Variants in FAT1 observed in about 807,000 individuals in gnomAD.
FAT1 encodes protocadherin Fat 1.
In FAT1, 171 loss-of-function variants were observed where a neutral mutation model predicts 329.8. That is an observed-to-expected ratio of 0.52 (90% CI 0.46 to 0.59). The LOEUF is 0.59. Ranked by LOEUF, FAT1 falls within the 20% of genes least tolerant of loss-of-function variation. The pLI is 0.00. For synonymous variants in FAT1, 2,233 were observed against 2,228.6 expected (o/e 1.00, Z -0.06); for missense variants, 5,672 against 5,774.4 (o/e 0.98, Z 0.57).
At chr4:186,630,361 C>A (rs1333255353) in intron 7 of FAT1, among the ~76,000 whole-genome samples, 1 of 152,094 alleles carries the variant, frequency 6.6e-6, no homozygotes, top group Non-Finnish European at 1.5e-5. Context: ...GACGGAACAT[C>A]CTGCCTTTCA....
chr4:186,706,626 C>T lies in FAT1; in HGVS notation c.3202G>A (p.Glu1068Lys), dbSNP rs767098741. ...CCATCTCTAATGGAGTATCGGATCT[C>T]CCCATCTCTTCTGGCGTCCTCATCA... ...AHDEDARRDGEIRYSIRDGSG... is the reference protein window; with the variant it reads ...AHDEDARRDGKIRYSIRDGSG... The change falls in exon 2 of 27, where the codon GAG becomes AAG. Residue 1068 changes from glutamate (E) to lysine (K), a missense_variant. Physicochemically the swap from Glu to Lys is moderately conservative, Grantham distance 56. Around this residue, in one of 2 missense-constraint regions of FAT1, gnomAD observed 3,966 missense variants for 3,915.2 expected, o/e 1.01. Transcript: ENST00000441802. 6.2e-7 allele frequency: 1 copy of T among 1,613,954 alleles called. No homozygotes were observed. The highest frequency in any genetic ancestry group is 1.7e-5 in the Admixed American group (1 of 60,014).
Position 186,603,459 on chromosome 4 carries a change from G to T in FAT1, c.11067C>A (p.His3689Gln). ...CAAAAAGTAAGACGTCCAGATGTGGGTGAGGTTCAGAGGACTGCAAACTAA... is the reference window on the plus strand; with the variant it reads ...CAAAAAGTAAGACGTCCAGATGTGGTTGAGGTTCAGAGGACTGCAAACTAA... ...QIVSLQSSEP[H>Q]PHLDVLLFVE... The change falls in exon 19 of 27, where the codon CAC becomes CAA. Residue 3689 changes from histidine (H) to glutamine (Q), a missense_variant. His to Gln is a conservative substitution (Grantham distance 24). Coordinates refer to ENST00000441802, the MANE Select transcript of FAT1 (RefSeq NM_005245.4). The T allele has an allele frequency of 6.2e-7, 1 of 1,613,972 alleles. No homozygotes were observed. The highest frequency in any genetic ancestry group is 8.5e-7 in the Non-Finnish European group (1 of 1,179,890).
intron 3 of FAT1, among the ~76,000 whole-genome samples, chr4:186,657,377 T>G (rs1184789792): frequency 1.3e-5 from 2 of 152,154 alleles, no homozygotes; most frequent in Non-Finnish European, 2.9e-5. Flanking sequence ...ATAAGAAGCC[T>G]TACCAAAAAG....
chr4:186,605,171 G>A (rs137899036), intron 17 of FAT1, among the ~76,000 whole-genome samples: 5 of 145,560 alleles, frequency 3.4e-5, no homozygotes, highest in Non-Finnish European at 6.0e-5. Context: ...AGCTGAGATC[G>A]TGCCATTGCA....
chr4:186,664,182 C>T (rs189812494), intron 2 of FAT1, among the ~76,000 whole-genome samples: 1 of 152,260 alleles, frequency 6.6e-6, no homozygotes, highest in East Asian at 1.9e-4. Flanking sequence ...TCGGTCTGCA[C>T]ACACACCCCT....
At position 186,588,446 on chromosome 4, in the gene FAT1, G is replaced by A; in HGVS notation, c.*146C>T. On this transcript the variant is annotated 3_prime_UTR_variant, in exon 27 of 27. Transcript: ENST00000441802. Reference sequence around the variant, plus strand: ...GTAGTTGGGACACTGGAAATGGCTAGCACGTCCAGAGGCGCAGGATCCAGC... The same window carrying A: ...GTAGTTGGGACACTGGAAATGGCTAACACGTCCAGAGGCGCAGGATCCAGC... 1 of 925,746 alleles carries A rather than the reference G, an allele frequency of 1.1e-6. No homozygotes were observed. Among genetic ancestry groups the A allele is most frequent in the South Asian group, 1.8e-5 (1 of 55,714 alleles). The allele number at this position is 925,746 out of a possible 1,614,324, so 57.3% of individuals were successfully genotyped here. A position where few individuals can be genotyped will look rare whatever the true frequency, so the allele number is the denominator to read the frequency against.
chr4:186,678,682 T>C (rs1743062121), intron 2 of FAT1, among the ~76,000 whole-genome samples: 1 of 151,272 alleles, frequency 6.6e-6, no homozygotes, highest in South Asian at 2.1e-4. Flanking sequence ...TAGGCCTGCA[T>C]ATAAGAAATT....
chr4:186,707,134 C>G lies in FAT1; in HGVS notation c.2694G>C (p.Arg898Ser), dbSNP rs1744664905. ...QHEHSLKIEA[R>S]DQAREEPQLF... ...GCTGAGGCTCTTCTCTGGCTTGGTC[C>G]CTGGCCTCAATCTTTAAGGAGTGCT... Residue 898 changes from arginine (R) to serine (S), a missense_variant, in exon 2 of 27, where the codon AGG becomes AGC. By Grantham distance (110) the Arg-to-Ser change is moderately radical. Coordinates refer to ENST00000441802, the MANE Select transcript of FAT1 (RefSeq NM_005245.4). 1.5e-5 allele frequency: 25 copies of G among 1,613,778 alleles called. No homozygotes were observed. Among genetic ancestry groups the G allele is most frequent in the Non-Finnish European group, 8.5e-7 (1 of 1,179,878 alleles).
upstream of FAT1, among the ~76,000 whole-genome samples, chr4:186,725,909 T>A (rs6852525): frequency 2.0e-5 from 3 of 152,112 alleles, no homozygotes; most frequent in African/African-American, 7.2e-5. This position sits in a 1 kb window ranked among gnomAD's most constrained non-coding sequence, Gnocchi z 5.4. Context: ...GGGTGGTCAG[T>A]GAAGACTGGG....
At chr4:186,644,250 T>C (rs1445421282) in intron 3 of FAT1, among the ~76,000 whole-genome samples, 2 of 152,202 alleles carry the variant, frequency 1.3e-5, no homozygotes, top group African/African-American at 4.8e-5. Flanking sequence ...AAACCAGGAA[T>C]GACTCATCAT....
intron 13 of FAT1, 24 bp downstream of exon 13, chr4:186,613,085 G>C (rs2126473891): frequency 6.5e-7 from 1 of 1,543,658 alleles, no homozygotes; most frequent in East Asian, 2.2e-5. Context: ...AGCAGCGTCA[G>C]GCAAGAGCAT....
chr4:186,602,791 T>C, intron 20 of FAT1, 112 bp downstream of exon 20: 1 of 1,194,586 alleles, frequency 8.4e-7, no homozygotes, highest in Non-Finnish European at 1.2e-6. Context: ...ATCTGTCTTC[T>C]TACAATAAAC....
At chr4:186,725,060 C>T (rs903340865), upstream of FAT1, among the ~76,000 whole-genome samples, 4 of 152,066 alleles carry the variant, frequency 2.6e-5, no homozygotes, top group Admixed American at 6.5e-5. The surrounding 1 kb of genome is among the most constrained non-coding windows in gnomAD (Gnocchi z 5.4). Flanking sequence ...ATGAGTGTGC[C>T]GATTCGTAGC....
At chr4:186,684,292 A>T (rs1743362430) in intron 2 of FAT1, among the ~76,000 whole-genome samples, 1 of 152,164 alleles carries the variant, frequency 6.6e-6, no homozygotes, top group Non-Finnish European at 1.5e-5. Flanking sequence ...TCCAATTATA[A>T]CTATATCCAA....
intron 1 of FAT1, among the ~76,000 whole-genome samples, chr4:186,713,322 G>A (rs903713568): frequency 3.3e-5 from 5 of 152,082 alleles, no homozygotes; most frequent in African/African-American, 1.2e-4. Flanking sequence ...TTTGTAGGAT[G>A]TCCCTCAACT....
chr4:186,667,556 T>A (rs2126626735), intron 2 of FAT1, among the ~76,000 whole-genome samples: 1 of 152,266 alleles, frequency 6.6e-6, no homozygotes, highest in African/African-American at 2.4e-5. Context: ...CTTTGTAAGA[T>A]AAAAAATCAC....
chr4:186,714,612 C>G (rs1174006934), intron 1 of FAT1, among the ~76,000 whole-genome samples: 1 of 152,074 alleles, frequency 6.6e-6, no homozygotes, highest in African/African-American at 2.4e-5. Flanking sequence ...AATCCAAGAG[C>G]AGAACCCCAA....
At position 186,609,887 on chromosome 4, in the gene FAT1, T is replaced by A; in HGVS notation, c.9982A>T (p.Ile3328Phe). ...CTGAACACAGGGGTATTATCGTTGATATCTGTTACATTAACGTTCACAGTG... is the reference window on the plus strand; with the variant it reads ...CTGAACACAGGGGTATTATCGTTGAAATCTGTTACATTAACGTTCACAGTG... The part of the protein sequence containing the change: ...VATVNVNVTD[I>F]NDNTPVFSQD... Residue 3328 changes from isoleucine to phenylalanine, a missense_variant, in exon 15 of 27, where the codon ATC (isoleucine) becomes TTC (phenylalanine). By Grantham distance (21) the Ile-to-Phe change is conservative (BLOSUM62 0). Around this residue, in one of 2 missense-constraint regions of FAT1, gnomAD observed 1,706 missense variants for 1,859.1 expected, o/e 0.92. Coordinates refer to ENST00000441802, the MANE Select transcript of FAT1 (RefSeq NM_005245.4). The A allele has an allele frequency of 6.2e-7, 1 of 1,613,358 alleles. No homozygotes were observed. Among genetic ancestry groups the A allele is most frequent in the Non-Finnish European group, 8.5e-7 (1 of 1,179,404 alleles).
intron 15 of FAT1, 23 bp downstream of exon 15, chr4:186,609,778 T>G: frequency 6.5e-7 from 1 of 1,540,582 alleles, no homozygotes; most frequent in Non-Finnish European, 9.0e-7. Flanking sequence ...CAGTTTTCAC[T>G]GTAATGGGGA....
Sources: allele counts gnomAD v4.1 joint callset (sites outside exome capture counted in the v4.1 genomes callset), GRCh38; gene constraint gnomAD v4.1.1; regional missense constraint gnomAD v4.1.1; non-coding constraint Gnocchi (gnomAD v3.1); transcripts MANE v1.5; gene names NCBI Gene and HGNC (gene_info 2026-07-23, HGNC 2026-07-21).